PACS1: variants seen among roughly 807,000 people sequenced by gnomAD.
PACS1 encodes the protein PACS-1.
Under a neutral mutation model 115.0 loss-of-function variants are expected in PACS1, and 24 were observed. The ratio of observed to expected loss-of-function variants is 0.21; its 90% CI spans 0.15 to 0.29. The LOEUF (loss-of-function observed/expected upper bound fraction) is 0.29, where lower values mean the gene tolerates loss of function less well. Ranked by LOEUF, PACS1 falls within the 10% of genes least tolerant of loss-of-function variation. The pLI is 1.00. For missense variants in PACS1, 838 were observed against 1,251.2 expected (o/e 0.67, Z 4.98); for synonymous variants, 453 against 504.5 (o/e 0.90, Z 1.37).
rs1045492474 is a variant in PACS1, at chr11:66,167,806, T to C, written c.357-25680T>C. ...TTTTTCTTATATTGTTTCTGCATGA[T>C]TGTGGGATTATTTCTGGGCACTCTA... On this transcript the variant is annotated intron_variant, in intron 1 of 23. Coordinates refer to ENST00000320580, the MANE Select transcript of PACS1 (RefSeq NM_018026.4). Among the ~76,000 whole-genome samples, 3 of 150,414 alleles carry C rather than the reference T, an allele frequency of 2.0e-5. 1 individual carries two copies. The highest frequency in any genetic ancestry group is 7.5e-5 in the African/African-American group (3 of 39,746).
intron 2 of PACS1, 115 bp from the exon 3 acceptor site, chr11:66,210,247 G>A (rs1408739560): frequency 2.6e-6 from 2 of 760,394 alleles, no homozygotes; most frequent in African/African-American, 3.4e-5. Flanking sequence ...GTTGCCCCAG[G>A]CTGGTCTCAA....
intron 22 of PACS1, 111 bp from the exon 23 acceptor site, chr11:66,242,801 T>C: frequency 6.9e-7 from 1 of 1,443,430 alleles, no homozygotes. Context: ...GAGGGGTTGG[T>C]TTGCAGATCA....
intron 14 of PACS1, 75 bp downstream of exon 14, chr11:66,232,351 T>G: frequency 1.2e-6 from 1 of 837,760 alleles, no homozygotes; most frequent in Non-Finnish European, 2.0e-6. Context: ...CAGTGTGGCC[T>G]CCATACTATT....
chr11:66,201,198 G>T (rs1274929370), intron 2 of PACS1, among the ~76,000 whole-genome samples: 1 of 151,508 alleles, frequency 6.6e-6, no homozygotes, highest in Non-Finnish European at 1.5e-5. Context: ...CAACCTGGGT[G>T]ACAGAGTGAG....
chr11:66,232,186 GGTGTAT>G lies in PACS1; in HGVS notation c.1643_1648del (p.Val548_Tyr549del), dbSNP rs1855610395. 7 of 1,611,686 alleles carry G rather than the reference GGTGTAT, an allele frequency of 4.3e-6. No homozygotes were observed. Among genetic ancestry groups the G allele is most frequent in the Non-Finnish European group, 5.9e-6 (7 of 1,177,856 alleles). On this transcript the variant is annotated inframe_deletion, in exon 14 of 24. Transcript: ENST00000320580. ...TGTTCCTGCAGATTCCAAGAAAGGTGGTGTATGACCAGCTCAATCAGATCCTGGTGT... is the reference window on the plus strand; with the variant it reads ...TGTTCCTGCAGATTCCAAGAAAGGTGGACCAGCTCAATCAGATCCTGGTGT...
intron 2 of PACS1, among the ~76,000 whole-genome samples, chr11:66,195,284 T>G (rs906396943): frequency 1.3e-5 from 2 of 152,244 alleles, no homozygotes; most frequent in Non-Finnish European, 2.9e-5. Context: ...CCTTATATTC[T>G]AATTCCCTGT....
chr11:66,212,401 A>G (rs950364775), intron 4 of PACS1, among the ~76,000 whole-genome samples: 6 of 147,506 alleles, frequency 4.1e-5, no homozygotes, highest in South Asian at 4.3e-4. Flanking sequence ...CAAAGTGCTG[A>G]GATTACAGGC....
chr11:66,222,633 T>C (rs1426864356), intron 10 of PACS1, among the ~76,000 whole-genome samples: 1 of 152,176 alleles, frequency 6.6e-6, no homozygotes, highest in South Asian at 2.1e-4. Context: ...CTTTAAGTCC[T>C]CCTGTTCACC....
intron 1 of PACS1, among the ~76,000 whole-genome samples, chr11:66,091,126 T>C (rs1857652288): frequency 6.6e-6 from 1 of 152,190 alleles, no homozygotes; most frequent in African/African-American, 2.4e-5. Flanking sequence ...ATTTGATTAC[T>C]TTCCTCCCTG....
chr11:66,242,809 T>A, intron 22 of PACS1, 103 bp from the exon 23 acceptor site: 1 of 1,507,106 alleles, frequency 6.6e-7, no homozygotes, highest in Non-Finnish European at 9.1e-7. Context: ...GGTTTGCAGA[T>A]CACCTCCCCT....
At chr11:66,156,710 C>T (rs973653792) in intron 1 of PACS1, among the ~76,000 whole-genome samples, 3 of 151,956 alleles carry the variant, frequency 2.0e-5, no homozygotes, top group Admixed American at 6.6e-5. Context: ...AAAAATTACC[C>T]GGGCGTGGTG....
intron 1 of PACS1, among the ~76,000 whole-genome samples, chr11:66,138,361 A>T (rs1375458002): frequency 6.6e-6 from 1 of 152,046 alleles, no homozygotes; most frequent in Admixed American, 6.5e-5. Context: ...TTACAGGGTG[A>T]GCTATGGTGC....
intron 16 of PACS1, 91 bp from the exon 17 acceptor site, chr11:66,234,041 T>G (rs1458317040): frequency 1.3e-6 from 2 of 1,551,738 alleles, no homozygotes; most frequent in Non-Finnish European, 1.8e-6. Flanking sequence ...GAAGGGACAG[T>G]CAAGGAGACC....
chr11:66,162,112 G>GT (rs58980906), intron 1 of PACS1, among the ~76,000 whole-genome samples: 1,157 of 56,374 alleles, frequency 0.021, 209 homozygotes, highest in East Asian at 0.03. Context: ...GGTGGTGGTG[G>GT]TTTTTTTTTT....
At chr11:66,210,247 G>C (rs1408739560) in intron 2 of PACS1, 115 bp from the exon 3 acceptor site, 3 of 760,398 alleles carry the variant, frequency 3.9e-6, no homozygotes, top group Non-Finnish European at 7.0e-6. Context: ...GTTGCCCCAG[G>C]CTGGTCTCAA....
rs559581592 is a variant in PACS1 at position 66,200,119 on chromosome 11, G to C, written c.444+6546G>C. 6.6e-5 allele frequency among the ~76,000 whole-genome samples: 10 copies of C among 152,304 alleles called. No homozygotes were observed. In the South Asian group the frequency reaches 1.7e-3, roughly 25 times the overall value. On this transcript the variant is annotated intron_variant, in intron 2 of 23. Transcript: ENST00000320580. ...AATCCCAGCACTTTGGGAGGCTGAGGTGAGAGTATTGCTTGAGCTCAGGGG... is the reference window on the plus strand; with the variant it reads ...AATCCCAGCACTTTGGGAGGCTGAGCTGAGAGTATTGCTTGAGCTCAGGGG...
At chr11:66,106,213 T>C (rs1228793375) in intron 1 of PACS1, among the ~76,000 whole-genome samples, 1 of 152,130 alleles carries the variant, frequency 6.6e-6, no homozygotes, top group Non-Finnish European at 1.5e-5. Flanking sequence ...AAGGAGCACA[T>C]GAGCCCAGGA....
chr11:66,213,733 G>C (rs941701388), intron 4 of PACS1, among the ~76,000 whole-genome samples: 2 of 152,146 alleles, frequency 1.3e-5, no homozygotes, highest in Non-Finnish European at 2.9e-5. Context: ...CTTTTGGAAT[G>C]GTAAGAAGTC....
chr11:66,200,045 A>AAC (rs1268973310), intron 2 of PACS1, among the ~76,000 whole-genome samples: 1 of 108,846 alleles, frequency 9.2e-6, no homozygotes, highest in East Asian at 2.6e-4. Flanking sequence ...AAACAAAACA[A>AAC]AACAAAAAAA....
Sources: allele counts gnomAD v4.1 joint callset (sites outside exome capture counted in the v4.1 genomes callset), GRCh38; gene constraint gnomAD v4.1.1; transcripts MANE v1.5; gene names NCBI Gene and HGNC (gene_info 2026-07-23, HGNC 2026-07-21).